CUL4A: variants seen among roughly 807,000 people sequenced by gnomAD.
CUL4A encodes cullin-4A.
Under a neutral mutation model 95.5 loss-of-function variants are expected in CUL4A, and 16 were observed. The ratio of observed to expected loss-of-function variants is 0.17; its 90% CI spans 0.11 to 0.25. The LOEUF (loss-of-function observed/expected upper bound fraction) is 0.25, where lower values mean the gene tolerates loss of function less well. CUL4A is among the 10% of genes least tolerant of loss of function. The pLI, the probability that CUL4A is intolerant of heterozygous loss-of-function variation, is 1.00. For missense variants in CUL4A, 610 were observed against 937.0 expected, an observed-to-expected ratio of 0.65 and a Z score of 4.56; for synonymous variants, 380 against 353.1, an observed-to-expected ratio of 1.08 and a Z score of -0.85.
intron 18 of CUL4A, among the ~76,000 whole-genome samples, chr13:113,256,926 GTTTTTT>G (rs951070829): frequency 1.5e-4 from 7 of 47,374 alleles, no homozygotes; most frequent in East Asian, 1.5e-3. Flanking sequence ...TTTTTTTTTC[GTTTTTT>G]TTTTTTTTTT....
At chr13:113,221,493 C>G (rs2040895305) in intron 3 of CUL4A, among the ~76,000 whole-genome samples, 1 of 152,204 alleles carries the variant, frequency 6.6e-6, no homozygotes, top group South Asian at 2.1e-4. Context: ...GGAGCTTAAA[C>G]CCGAATGGCG....
At chr13:113,244,011 A>G (rs1181510021) in intron 11 of CUL4A, among the ~76,000 whole-genome samples, 1 of 146,274 alleles carries the variant, frequency 6.8e-6, no homozygotes, top group Non-Finnish European at 1.5e-5. Flanking sequence ...GCCACCTTGG[A>G]TGCTCTGAGA....
chr13:113,254,184 ACT>A (rs1341335816), intron 16 of CUL4A, among the ~76,000 whole-genome samples: 1 of 151,580 alleles, frequency 6.6e-6, no homozygotes, highest in Non-Finnish European at 1.5e-5. Flanking sequence ...TGTCACCCAA[ACT>A]CTCATGTGCC....
intron 3 of CUL4A, among the ~76,000 whole-genome samples, chr13:113,224,067 A>C (rs1412921985): frequency 6.6e-6 from 1 of 152,228 alleles, no homozygotes; most frequent in Non-Finnish European, 1.5e-5. Context: ...AAAAATGTCA[A>C]GCCCGCAGAG....
chr13:113,253,842 TA>T (rs1392839235), intron 16 of CUL4A, among the ~76,000 whole-genome samples: 1 of 152,226 alleles, frequency 6.6e-6, no homozygotes, highest in Non-Finnish European at 1.5e-5. Context: ...AAACGGCAAT[TA>T]TATACACTAA....
Position 113,210,108 on chromosome 13 carries a change from T to TG in CUL4A, c.264+24dup, listed in dbSNP as rs1420701197. 6.9e-7 allele frequency: 1 copy of TG among 1,449,972 alleles called. No individual in the cohort carries two copies. Among genetic ancestry groups the TG allele is most frequent in the African/African-American group, 1.5e-5 (1 of 67,464 alleles). The allele number at this position is 1,449,972 out of a possible 1,614,324, so 89.8% of individuals were successfully genotyped here. A position where few individuals can be genotyped will look rare whatever the true frequency, so the allele number is the denominator to read the frequency against. On this transcript the variant is annotated intron_variant, in intron 2 of 19. Transcript: ENST00000375440. ...TACCAGGTGAGGCGGCGGCCGGGGC[T>TG]GGGGACGCCGCTCCTGCCCCGCGTG...
intron 3 of CUL4A, among the ~76,000 whole-genome samples, chr13:113,225,824 C>G (rs1377992670): frequency 6.6e-6 from 1 of 152,188 alleles, no homozygotes; most frequent in African/African-American, 2.4e-5. Context: ...CTGTAGATTC[C>G]TAATATAATG....
At chr13:113,222,153 A>G (rs1477231303) in intron 3 of CUL4A, among the ~76,000 whole-genome samples, 1 of 152,166 alleles carries the variant, frequency 6.6e-6, no homozygotes, top group Non-Finnish European at 1.5e-5. Context: ...TAAAGGGGAA[A>G]ATGAGAGGAA....
chr13:113,223,424 C>T (rs561550611), intron 3 of CUL4A, among the ~76,000 whole-genome samples: 5 of 152,102 alleles, frequency 3.3e-5, no homozygotes, highest in African/African-American at 4.8e-5. Flanking sequence ...GACGGAGTTT[C>T]GCTCTTAATT....
intron 15 of CUL4A, among the ~76,000 whole-genome samples, chr13:113,247,081 G>A (rs771911502): frequency 8.5e-5 from 13 of 152,096 alleles, no homozygotes; most frequent in African/African-American, 2.4e-4. Context: ...GGGAGTAGGC[G>A]AGAGAGAGGG....
rs2041769700 is a variant in CUL4A, at chr13:113,243,232, A to G, written c.1228+72A>G. On this transcript the variant is annotated intron_variant, in intron 11 of 19. Transcript: ENST00000375440. ...TCACCCATTTCTAGACAATTTTTTA[A>G]TATGGGAAAATAAGGCAAAATCAAC... 7 of 1,435,784 alleles carry G rather than the reference A, an allele frequency of 4.9e-6. No individual in the cohort carries two copies. The African/African-American group carries it at 7.1e-5, about 15-fold the overall frequency. The allele number at this position is 1,435,784 out of a possible 1,614,324, so 88.9% of individuals were successfully genotyped here. A position where few individuals can be genotyped will look rare whatever the true frequency, so the allele number is the denominator to read the frequency against.
chr13:113,213,636 A>G (rs1341647940), intron 2 of CUL4A, among the ~76,000 whole-genome samples: 1 of 152,214 alleles, frequency 6.6e-6, no homozygotes, highest in Admixed American at 6.5e-5. Flanking sequence ...ATTACTTTGC[A>G]ACACCTTGTA....
chr13:113,239,627 G>A (rs1355850950), intron 10 of CUL4A, 76 bp downstream of exon 10: 13 of 1,124,046 alleles, frequency 1.2e-5, no homozygotes, highest in Non-Finnish European at 1.5e-5. Context: ...AACGCCTAGT[G>A]TGCCCTGGCA....
intron 14 of CUL4A, among the ~76,000 whole-genome samples, chr13:113,245,541 C>A (rs1006631595): frequency 5.9e-5 from 9 of 152,098 alleles, no homozygotes; most frequent in African/African-American, 2.2e-4. Context: ...CAGAGTGAGA[C>A]CTTGTCGTGG....
Position 113,243,419 on chromosome 13 carries a change from C to T in CUL4A, c.1228+259C>T, listed in dbSNP as rs1028214326. Among the ~76,000 whole-genome samples, 26 of 151,986 alleles carry T rather than the reference C, an allele frequency of 1.7e-4. 1 individual carries two copies. Among genetic ancestry groups the T allele is most frequent in the Admixed American group, 6.6e-5 (1 of 15,240 alleles). On this transcript the variant is annotated intron_variant, in intron 11 of 19. Coordinates refer to ENST00000375440, the MANE Select transcript of CUL4A (RefSeq NM_001008895.4). Reference sequence around the variant, plus strand: ...TTAGAAAAGAAATGATGCTTGACTTCGCCAAAGAAGGGAGGGGTGATCACC... The same window carrying T: ...TTAGAAAAGAAATGATGCTTGACTTTGCCAAAGAAGGGAGGGGTGATCACC...
upstream of CUL4A, chr13:113,208,668 A>C: frequency 6.3e-7 from 1 of 1,594,882 alleles, no homozygotes. Flanking sequence ...GCCACCCCCT[A>C]CGCCTCAAGC....
At chr13:113,222,895 C>T (rs2040952564) in intron 3 of CUL4A, among the ~76,000 whole-genome samples, 1 of 152,112 alleles carries the variant, frequency 6.6e-6, no homozygotes, top group African/African-American at 2.4e-5. Context: ...GCAAGACCCC[C>T]ATCTCTAAAA....
At chr13:113,240,643 G>A (rs1007108088) in intron 10 of CUL4A, among the ~76,000 whole-genome samples, 1 of 152,202 alleles carries the variant, frequency 6.6e-6, no homozygotes, top group African/African-American at 2.4e-5. Context: ...ACGTGTTATT[G>A]CATAACATTT....
chr13:113,218,866 G>C, intron 2 of CUL4A, 79 bp from the exon 3 acceptor site: 1 of 936,288 alleles, frequency 1.1e-6, no homozygotes, highest in Non-Finnish European at 1.7e-6. Flanking sequence ...TATGATTACA[G>C]CTATGTTAAC....
Sources: allele counts gnomAD v4.1 joint callset (sites outside exome capture counted in the v4.1 genomes callset), GRCh38; gene constraint gnomAD v4.1.1; transcripts MANE v1.5; gene names NCBI Gene and HGNC (gene_info 2026-07-23, HGNC 2026-07-21).